The following BSG variants were observed in gnomAD, a reference collection of about 807,000 sequenced individuals.
BSG encodes basigin (Ok blood group).
In BSG, 37 loss-of-function variants were observed where a neutral mutation model predicts 43.1. The observed-to-expected ratio is 0.86, with a 90% CI of 0.66 to 1.13. The LOEUF (loss-of-function observed/expected upper bound fraction) is 1.13, where lower values mean the gene tolerates loss of function less well. Ranked by LOEUF, BSG falls within the 50% of genes most tolerant of loss-of-function variation. BSG has a pLI of 0.00. For missense variants in BSG, 599 were observed against 554.2 expected, an observed-to-expected ratio of 1.08 and a Z score of -0.81; for synonymous variants, 309 against 238.7, an observed-to-expected ratio of 1.29 and a Z score of -2.72.
Position 582,852 on chromosome 19 carries a change from C to T in BSG, c.*108C>T, listed in dbSNP as rs1310891589. On this transcript the variant is annotated 3_prime_UTR_variant, in exon 9 of 9. Transcript: ENST00000333511. Reference sequence around the variant, plus strand: ...CTCACCTCTTAAAGAAAACCCACCCCGTAGATTCCCATCATACACTTCCTT... The same window carrying T: ...CTCACCTCTTAAAGAAAACCCACCCTGTAGATTCCCATCATACACTTCCTT... 10 of 536,156 alleles carry T rather than the reference C, an allele frequency of 1.9e-5. 1 individual carries two copies. Among genetic ancestry groups the T allele is most frequent in the East Asian group, 3.2e-5 (1 of 31,450 alleles). The allele number at this position is 536,156 out of a possible 1,614,324, so 33.2% of individuals were successfully genotyped here.
chr19:572,368 G>A, upstream of BSG: 3 of 1,087,506 alleles, frequency 2.8e-6, no homozygotes, highest in Non-Finnish European at 3.3e-6. Flanking sequence ...CCGCGTCCCC[G>A]CAGGCCCCAC....
upstream of BSG, chr19:571,462 G>C: frequency 1.3e-6 from 1 of 769,220 alleles, no homozygotes; most frequent in South Asian, 1.3e-5. Flanking sequence ...GGAACTTCAA[G>C]GGTCCTTCCT....
At chr19:579,880 G>A in intron 3 of BSG, 1 of 643,806 alleles carries the variant, frequency 1.6e-6, no homozygotes, top group Non-Finnish European at 2.5e-6. Context: ...AGTCCCCATT[G>A]CTTGCTCCTC....
chr19:572,346 C>A, upstream of BSG: 1 of 1,039,548 alleles, frequency 9.6e-7, no homozygotes, highest in Middle Eastern at 4.3e-4. Context: ...GGAAGAAATG[C>A]GCAGGCTCCA....
chr19:582,692 T>G, intron 8 of BSG, 58 bp from the exon 9 acceptor site: 1 of 1,246,590 alleles, frequency 8.0e-7, no homozygotes. Context: ...GGCTCCTGGG[T>G]CCCGCCTGTG....
chr19:579,873 C>A, intron 3 of BSG: 1 of 672,886 alleles, frequency 1.5e-6, no homozygotes, highest in South Asian at 2.1e-5. Context: ...TGGCAGGAGT[C>A]CCCATTGCTT....
Position 577,851 on chromosome 19 carries a change from A to G in BSG, c.145A>G (p.Ser49Gly). 6.5e-7 allele frequency: 1 copy of G among 1,538,444 alleles called. No individual in the cohort carries two copies. Among genetic ancestry groups the G allele is most frequent in the Non-Finnish European group, 8.8e-7 (1 of 1,135,894 alleles). Residue 49 changes from serine (S) to glycine (G), a missense_variant, in exon 2 of 9, where the codon AGC (serine) becomes GGC (glycine). Ser to Gly is a moderately conservative substitution (Grantham distance 56, BLOSUM62 0). Transcript: ENST00000333511. ...GGAGCTGCACTGCGAGGCCGTGGGC[A>G]GCCCGGTGCCCGAGATCCAGTGGTG... Reference protein sequence around the residue: ...SVELHCEAVGSPVPEIQWWFE... With the variant: ...SVELHCEAVGGPVPEIQWWFE...
intron 4 of BSG, 82 bp downstream of exon 4, chr19:580,543 G>A (rs1982197632): frequency 1.2e-6 from 2 of 1,604,104 alleles, no homozygotes; most frequent in Non-Finnish European, 1.7e-6. Flanking sequence ...ACATCCCAGA[G>A]CCCTGGCCCC....
At chr19:579,242 C>A (rs1224164908) in intron 2 of BSG, 12 of 589,568 alleles carry the variant, frequency 2.0e-5, no homozygotes. Context: ...GGCCCGCCAG[C>A]TGCCAGCGAA....
At position 577,845 on chromosome 19, in the gene BSG, G is replaced by T. The variant is rs138950962; in HGVS notation, c.139G>T (p.Val47Leu). The T allele has an allele frequency of 2.0e-6, 3 of 1,528,658 alleles. No individual in the cohort carries two copies. Among genetic ancestry groups the T allele is most frequent in the East Asian group, 4.8e-5 (2 of 41,964 alleles). The allele number at this position is 1,528,658 out of a possible 1,614,324, so 94.7% of individuals were successfully genotyped here. Reference protein sequence around the residue: ...GGSVELHCEAVGSPVPEIQWW... With the variant: ...GGSVELHCEALGSPVPEIQWW... ...CAGTGTGGAGCTGCACTGCGAGGCC[G>T]TGGGCAGCCCGGTGCCCGAGATCCA... Residue 47 changes from valine to leucine, a missense_variant, in exon 2 of 9, where the codon GTG becomes TTG. Transcript: ENST00000333511.
In BSG at chr19:572,688, A is replaced by G; in HGVS notation, c.54A>G (p.Gly18=). 6.7e-7 allele frequency: 1 copy of G among 1,492,774 alleles called. No homozygotes were observed. The highest frequency in any genetic ancestry group is 8.9e-7 in the Non-Finnish European group (1 of 1,117,406). 92.5% of individuals were successfully genotyped at this position (1,492,774 alleles called of 1,614,324 possible). The stretch of plus-strand genomic sequence containing the variant: ...GATTCGCGCTGCTGGGCACCCACGG[A>G]GCCTCCGGGGCTGGTGAGGAGCGGG... ...LLGFALLGTH[G]ASGAAGFVQA... is the part of the protein sequence containing the mutation. The change falls in exon 1 of 9, where the codon GGA becomes GGG. Residue 18 remains glycine, a synonymous_variant. Transcript: ENST00000333511.
In BSG at chr19:572,631, A is replaced by C. The variant is rs374199840; in HGVS notation, c.-4A>C. On this transcript the variant is annotated 5_prime_UTR_variant, in exon 1 of 9. Coordinates refer to ENST00000333511, the MANE Select transcript of BSG (RefSeq NM_001728.4). Reference sequence around the variant, plus strand: ...GGTTGTAGGACCGGCGAGGAATAGGAATCATGGCGGCTGCGCTGTTCGTGC... The same window carrying C: ...GGTTGTAGGACCGGCGAGGAATAGGCATCATGGCGGCTGCGCTGTTCGTGC... The C allele has an allele frequency of 6.7e-7, 1 of 1,502,090 alleles. No homozygotes were observed. Among genetic ancestry groups the C allele is most frequent in the Non-Finnish European group, 8.9e-7 (1 of 1,123,488 alleles). 93.0% of individuals were successfully genotyped at this position (1,502,090 alleles called of 1,614,324 possible).
intron 5 of BSG, 94 bp from the exon 6 acceptor site, chr19:581,221 G>A: frequency 2.3e-6 from 3 of 1,286,908 alleles, no homozygotes; most frequent in Non-Finnish European, 2.0e-6. Flanking sequence ...CTGGGTGAGG[G>A]GCCTAGACTG....
chr19:578,760 A>C, intron 2 of BSG: 4 of 232,498 alleles, frequency 1.7e-5, no homozygotes, highest in South Asian at 4.0e-5. Flanking sequence ...CTGGAGATGG[A>C]GTCTTGCTGT....
chr19:579,657 G>A lies in BSG; in HGVS notation c.572+1G>A. 1 of 1,606,568 alleles carries A rather than the reference G, an allele frequency of 6.2e-7. No individual in the cohort carries two copies. Among genetic ancestry groups the A allele is most frequent in the Non-Finnish European group, 8.5e-7 (1 of 1,176,578 alleles). On this transcript the variant is annotated splice_donor_variant, in intron 3 of 8. Coordinates refer to ENST00000333511, the MANE Select transcript of BSG (RefSeq NM_001728.4). LOFTEE classifies it high-confidence loss of function. ...TGCCCGGCCAGAAAACGGAGTTCAA[G>A]TGAGTGCCTGACCACGCCATGCCGC...
chr19:582,782 C>G lies in BSG; in HGVS notation c.*38C>G. ...GAGGACGCTCCCTGCTCCACGTCTG[C>G]GCCGCCGCCGGAGTCCACTCCCAGT... On this transcript the variant is annotated 3_prime_UTR_variant, in exon 9 of 9. Transcript: ENST00000333511. 1 of 603,714 alleles carries G rather than the reference C, an allele frequency of 1.7e-6. No individual in the cohort carries two copies. The highest frequency in any genetic ancestry group is 2.0e-5 in the South Asian group (1 of 49,314). The allele number at this position is 603,714 out of a possible 1,614,324, so 37.4% of individuals were successfully genotyped here. A position where few individuals can be genotyped will look rare whatever the true frequency, so the allele number is the denominator to read the frequency against.
intron 2 of BSG, 66 bp from the exon 3 acceptor site, chr19:579,434 G>T: frequency 6.3e-7 from 1 of 1,598,742 alleles, no homozygotes. Flanking sequence ...AGGTTCCTGG[G>T]GGTCAGGCAG....
Position 581,548 on chromosome 19 carries a change from C to G in BSG, c.1026C>G (p.Ile342Met). 6.3e-7 allele frequency: 1 copy of G among 1,599,638 alleles called. No individual in the cohort carries two copies. The highest frequency in any genetic ancestry group is 8.5e-7 in the Non-Finnish European group (1 of 1,174,306). The change falls in exon 6 of 9, where the codon ATC becomes ATG. Residue 342 changes from isoleucine (I) to methionine (M), a missense_variant. By Grantham distance (10) the Ile-to-Met change is conservative. Coordinates refer to ENST00000333511, the MANE Select transcript of BSG (RefSeq NM_001728.4). ...VAEVLVLVTI[I>M]FIYEKRRKPE... ...AGGTGCTGGTGCTGGTCACCATCAT[C>G]TTCATCTACGAGAAGCGCCGGAAGC...
At chr19:581,728 C>T (rs1034571273) in intron 6 of BSG, 137 bp downstream of exon 6, 8 of 1,235,970 alleles carry the variant, frequency 6.5e-6, no homozygotes, top group East Asian at 5.1e-5. Context: ...GATGGGACCC[C>T]GAAAGAAAGT....
Sources: allele counts gnomAD v4.1 joint callset, GRCh38; gene constraint gnomAD v4.1.1; transcripts MANE v1.5; gene names NCBI Gene and HGNC (gene_info 2026-07-23, HGNC 2026-07-21).